The following PNPLA2 variants were observed in gnomAD, a reference collection of about 807,000 sequenced individuals.
PNPLA2 encodes the protein patatin-like phospholipase domain-containing protein 2.
A neutral mutation model predicts 39.7 loss-of-function variants in PNPLA2; 28 were observed. The ratio of observed to expected loss-of-function variants is 0.70; its 90% CI spans 0.52 to 0.97. The LOEUF (loss-of-function observed/expected upper bound fraction) is 0.97, where lower values mean the gene tolerates loss of function less well. Ranked by LOEUF, PNPLA2 falls within the 50% of genes least tolerant of loss-of-function variation. The pLI is 0.00. For synonymous variants in PNPLA2, 392 were observed against 321.1 expected, an observed-to-expected ratio of 1.22 and a Z score of -2.36; for missense variants, 768 against 698.2, an observed-to-expected ratio of 1.10 and a Z score of -1.13.
At position 821,748 on chromosome 11, in the gene PNPLA2, C is replaced by T; in HGVS notation, c.308C>T (p.Pro103Leu). ...CGCAGTTTCCTGCTGAAGGTCCTGC[C>T]TGCTGATAGCCATGAGCATGCCAGT... ...IIRSFLLKVL[P>L]ADSHEHASGR... Residue 103 changes from proline to leucine, a missense_variant, in exon 3 of 10, where the codon CCT becomes CTT. Physicochemically the swap from Pro to Leu is moderately conservative, Grantham distance 98. Coordinates refer to ENST00000336615, the MANE Select transcript of PNPLA2 (RefSeq NM_020376.4). The T allele has an allele frequency of 1.2e-6, 2 of 1,614,032 alleles. No individual in the cohort carries two copies. Among genetic ancestry groups the T allele is most frequent in the African/African-American group, 1.3e-5 (1 of 75,048 alleles).
rs943425531 is a variant in PNPLA2, at chr11:825,455, A to AC, written c.*601dup. ...ACCCCCCTGTCTAGGATGCATCCACACCCCCCCCAATTTTGCCCAGCAGCC... is the reference window on the plus strand; with the variant it reads ...ACCCCCCTGTCTAGGATGCATCCACACCCCCCCCCAATTTTGCCCAGCAGCC... On this transcript the variant is annotated 3_prime_UTR_variant, in exon 10 of 10. Transcript: ENST00000336615. The AC allele has an allele frequency of 8.0e-4, 103 of 129,122 alleles. No homozygotes were observed. The highest frequency in any genetic ancestry group is 1.7e-3 in the African/African-American group (57 of 34,540). The allele number at this position is 129,122 out of a possible 1,614,324, so 8.0% of individuals were successfully genotyped here.
intron 5 of PNPLA2, 28 bp downstream of exon 5, chr11:822,634 T>G: frequency 6.4e-7 from 1 of 1,563,590 alleles, no homozygotes; most frequent in Non-Finnish European, 8.8e-7. Flanking sequence ...GACTGTGGCC[T>G]TCCCAGCCAC....
rs143443756 is a variant in PNPLA2, at chr11:821,723, C to T, written c.283C>T (p.Arg95Cys). 2.2e-5 allele frequency: 35 copies of T among 1,613,848 alleles called. No homozygotes were observed. The African/African-American group carries it at 2.5e-4, about 12-fold the overall frequency. Residue 95 changes from arginine (R) to cysteine (C), a missense_variant, in exon 3 of 10, where the codon CGC (arginine) becomes TGC (cysteine). Arg to Cys is a radical substitution (Grantham distance 180). Transcript: ENST00000336615. ...HPSFNLVKII[R>C]SFLLKVLPAD... ...CTCCTTCAACCTGGTAAAGATCATC[C>T]GCAGTTTCCTGCTGAAGGTCCTGCC...
intron 5 of PNPLA2, among the ~76,000 whole-genome samples, chr11:823,258 C>T (rs551844009): frequency 6.6e-5 from 10 of 152,170 alleles, no homozygotes; most frequent in Non-Finnish European, 1.3e-4. Context: ...GGGGTTTCAC[C>T]GTGTTAGCCA....
Position 825,146 on chromosome 11 carries a change from T to C in PNPLA2, c.*284T>C. The C allele has an allele frequency of 3.6e-6, 2 of 554,222 alleles. No homozygotes were observed. The highest frequency in any genetic ancestry group is 3.2e-6 in the Non-Finnish European group (1 of 312,820). 34.3% of individuals were successfully genotyped at this position (554,222 alleles called of 1,614,324 possible). On this transcript the variant is annotated 3_prime_UTR_variant, in exon 10 of 10. Transcript: ENST00000336615. ...GCTGCCCTTCCCTCCCCGTTTTTCA[T>C]GGCCTGCTGAAATATGTGTGTGAAG...
intron 6 of PNPLA2, 51 bp from the exon 7 acceptor site, chr11:823,643 G>GGGCCGC (rs751978835): frequency 1.2e-6 from 2 of 1,601,076 alleles, no homozygotes; most frequent in Non-Finnish European, 1.7e-6. Flanking sequence ...TACCCCCTGC[G>GGGCCGC]GGCCGCGGCC....
At chr11:823,974 C>T (rs1321192630) in intron 7 of PNPLA2, 24 bp from the exon 8 acceptor site, 2 of 1,580,236 alleles carry the variant, frequency 1.3e-6, no homozygotes, top group African/African-American at 1.3e-5. Context: ...CTCCACTGGC[C>T]GCCGACCTCC....
At chr11:819,465 C>A in intron 1 of PNPLA2, 109 bp from the exon 2 acceptor site, 2 of 1,197,910 alleles carry the variant, frequency 1.7e-6, no homozygotes, top group Non-Finnish European at 2.1e-6. Flanking sequence ...GGGGGCGGGT[C>A]CCGAGGGCAC....
At position 822,531 on chromosome 11, in the gene PNPLA2, C is replaced by A; in HGVS notation, c.621C>A (p.Val207=). Residue 207 remains valine (V), a synonymous_variant, in exon 5 of 10, where the codon GTC becomes GTA. Transcript: ENST00000336615. The part of the protein sequence containing the change: ...DSSTNIHELR[V]TNTSIQFNLR... ...CCACCAACATCCACGAGCTGCGGGT[C>A]ACCAACACCAGCATCCAGTTCAACC... 4 of 1,614,060 alleles carry A rather than the reference C, an allele frequency of 2.5e-6. No homozygotes were observed. The highest frequency in any genetic ancestry group is 2.5e-6 in the Non-Finnish European group (3 of 1,179,988).
rs777666219 is a variant in PNPLA2, at chr11:823,993, C to A, written c.920-5C>A. On this transcript the variant is annotated splice_region_variant and splice_polypyrimidine_tract_variant and intron_variant, in intron 7 of 9. Transcript: ENST00000336615. ...ACTGGCCGCCGACCTCCCGCCCACCCGCAGCCCTGCTGGAGGCCTGCGTGG... is the reference window on the plus strand; with the variant it reads ...ACTGGCCGCCGACCTCCCGCCCACCAGCAGCCCTGCTGGAGGCCTGCGTGG... 4 of 1,602,734 alleles carry A rather than the reference C, an allele frequency of 2.5e-6. No individual in the cohort carries two copies. The South Asian group carries it at 4.4e-5, about 18-fold the overall frequency.
chr11:819,770 C>T lies in PNPLA2; in HGVS notation c.52C>T (p.Leu18Phe), dbSNP rs749296643. Residue 18 changes from leucine (L) to phenylalanine (F), a missense_variant, in exon 2 of 10, where the codon CTC (leucine) becomes TTC (phenylalanine). Physicochemically the swap from Leu to Phe is conservative, Grantham distance 22. Coordinates refer to ENST00000336615, the MANE Select transcript of PNPLA2 (RefSeq NM_020376.4). ...WNISFAGCGF[L>F]GVYYVGVASC... ...CATCTCGTTCGCGGGCTGCGGCTTCCTCGGCGTCTACTACGTCGGCGTGGC... is the reference window on the plus strand; with the variant it reads ...CATCTCGTTCGCGGGCTGCGGCTTCTTCGGCGTCTACTACGTCGGCGTGGC... The T allele has an allele frequency of 1.3e-6, 2 of 1,516,454 alleles. No homozygotes were observed. The highest frequency in any genetic ancestry group is 2.5e-5 in the South Asian group (2 of 80,832). 93.9% of individuals were successfully genotyped at this position (1,516,454 alleles called of 1,614,324 possible).
chr11:823,197 A>G (rs1419289129), intron 5 of PNPLA2, among the ~76,000 whole-genome samples: 2 of 151,980 alleles, frequency 1.3e-5, no homozygotes, highest in African/African-American at 2.4e-5. Flanking sequence ...AGCTGGGACT[A>G]CAGGTGCCCA....
chr11:820,479 C>T (rs930648337), intron 2 of PNPLA2, among the ~76,000 whole-genome samples: 1 of 152,194 alleles, frequency 6.6e-6, no homozygotes, highest in Non-Finnish European at 1.5e-5. Flanking sequence ...CCCGCTGCGG[C>T]CCACCGCGTT....
At position 819,605 on chromosome 11, in the gene PNPLA2, C is replaced by A; in HGVS notation, c.-114C>A. ...CGCCTCCGCCAGCGGGGACCCCGAG[C>A]TAGAGCCGCAGCGGGACCTGCCCGG... On this transcript the variant is annotated 5_prime_UTR_variant, in exon 2 of 10. Coordinates refer to ENST00000336615, the MANE Select transcript of PNPLA2 (RefSeq NM_020376.4). The A allele has an allele frequency of 1.5e-6, 2 of 1,290,350 alleles. No homozygotes were observed. The highest frequency in any genetic ancestry group is 2.0e-6 in the Non-Finnish European group (2 of 1,005,578). The allele number at this position is 1,290,350 out of a possible 1,614,324, so 79.9% of individuals were successfully genotyped here.
chr11:825,092 C>G lies in PNPLA2; in HGVS notation c.*230C>G, dbSNP rs571146202. On this transcript the variant is annotated 3_prime_UTR_variant, in exon 10 of 10. Coordinates refer to ENST00000336615, the MANE Select transcript of PNPLA2 (RefSeq NM_020376.4). ...TCCCCTGTGCTGCCCGAGCACCTCC[C>G]CCGCCCCTTTACTCCTGAGAACTTT... The G allele has an allele frequency of 7.7e-5, 45 of 585,164 alleles. No homozygotes were observed. In the South Asian group the frequency reaches 8.8e-4, roughly 11 times the overall value. The allele number at this position is 585,164 out of a possible 1,614,324, so 36.2% of individuals were successfully genotyped here. A position where few individuals can be genotyped will look rare whatever the true frequency, so the allele number is the denominator to read the frequency against.
In PNPLA2 at chr11:823,844, G is replaced by A. The variant is rs754108863; in HGVS notation, c.908G>A (p.Arg303Gln). The A allele has an allele frequency of 5.4e-5, 85 of 1,586,708 alleles. No homozygotes were observed. The highest frequency in any genetic ancestry group is 7.1e-5 in the Non-Finnish European group (83 of 1,167,606). ...CACATCCTGGAGCACCTGCCCGCCC[G>A]GCTCAATGAGGGTGCGCACCTGGGG... ...EDHILEHLPARLNEALLEACV... is the reference protein window; with the variant it reads ...EDHILEHLPAQLNEALLEACV... Residue 303 changes from arginine (R) to glutamine (Q), a missense_variant, in exon 7 of 10, where the codon CGG (arginine) becomes CAG (glutamine). By Grantham distance (43) the Arg-to-Gln change is conservative (BLOSUM62 1). Transcript: ENST00000336615.
At position 821,900 on chromosome 11, in the gene PNPLA2, G is replaced by C. The variant is rs746035622; in HGVS notation, c.420+40G>C. The C allele has an allele frequency of 3.1e-6, 5 of 1,608,670 alleles. No homozygotes were observed. In the Admixed American group the frequency reaches 5.0e-5, roughly 16 times the overall value. ...AGCCATGCTGGGTGGCGGTGGGGGGGGCAGTGGGAACCTCAAGGCCTCTGC... is the reference window on the plus strand; with the variant it reads ...AGCCATGCTGGGTGGCGGTGGGGGGCGCAGTGGGAACCTCAAGGCCTCTGC... On this transcript the variant is annotated intron_variant, in intron 3 of 9. Coordinates refer to ENST00000336615, the MANE Select transcript of PNPLA2 (RefSeq NM_020376.4).
chr11:824,832 C>A lies in PNPLA2; in HGVS notation c.1485C>A (p.Ala495=). The A allele has an allele frequency of 6.5e-7, 1 of 1,534,688 alleles. No homozygotes were observed. Among genetic ancestry groups the A allele is most frequent in the Non-Finnish European group, 8.7e-7 (1 of 1,146,182 alleles). The change falls in exon 10 of 10, where the codon GCC becomes GCA. Residue 495 remains alanine, a synonymous_variant. Coordinates refer to ENST00000336615, the MANE Select transcript of PNPLA2 (RefSeq NM_020376.4). ...APLLSTPAPE[A]RPVIGALGL Reference sequence around the variant, plus strand: ...TGCTGAGCACCCCTGCTCCCGAGGCCCGGCCCGTGATCGGGGCCCTGGGGC... The same window carrying A: ...TGCTGAGCACCCCTGCTCCCGAGGCACGGCCCGTGATCGGGGCCCTGGGGC...
intron 2 of PNPLA2, 114 bp from the exon 3 acceptor site, chr11:821,514 C>A: frequency 1.3e-6 from 1 of 785,332 alleles, no homozygotes; most frequent in Non-Finnish European, 2.2e-6. Flanking sequence ...CCCACATTCA[C>A]TGGGCCTCCT....
Sources: allele counts gnomAD v4.1 joint callset (sites outside exome capture counted in the v4.1 genomes callset), GRCh38; gene constraint gnomAD v4.1.1; transcripts MANE v1.5; gene names NCBI Gene and HGNC (gene_info 2026-07-23, HGNC 2026-07-21).